Variants in GPLD1 observed in about 807,000 individuals in gnomAD.
GPLD1 encodes the protein phosphatidylinositol-glycan-specific phospholipase D.
In GPLD1, 84 loss-of-function variants were observed where a neutral mutation model predicts 112.6. The observed-to-expected ratio is 0.75, with a 90% CI of 0.63 to 0.89. GPLD1 has a LOEUF of 0.89. GPLD1 is among the 40% of genes least tolerant of loss of function. GPLD1 has a pLI of 0.00. For missense variants in GPLD1, 1,044 were observed against 1,051.5 expected (o/e 0.99, Z 0.10); for synonymous variants, 386 against 403.8 (o/e 0.96, Z 0.53).
chr6:24,431,480 G>C (rs1448608486), intron 24 of GPLD1, among the ~76,000 whole-genome samples: 2 of 151,530 alleles, frequency 1.3e-5, no homozygotes, highest in Non-Finnish European at 2.9e-5. Flanking sequence ...ATTTCTTATA[G>C]CCTATACAGT....
At chr6:24,480,674 C>A (rs1764171975) in intron 2 of GPLD1, among the ~76,000 whole-genome samples, 1 of 150,778 alleles carries the variant, frequency 6.6e-6, no homozygotes, top group Non-Finnish European at 1.5e-5. Flanking sequence ...AAGTGCTTTC[C>A]CTTTTTAAAT....
intron 12 of GPLD1, 110 bp from the exon 13 acceptor site, chr6:24,456,747 G>A (rs1763281284): frequency 3.0e-6 from 2 of 659,542 alleles, no homozygotes; most frequent in Non-Finnish European, 5.1e-6. Context: ...GTTTTTAGAA[G>A]TGCTAAACAA....
intron 13 of GPLD1, among the ~76,000 whole-genome samples, chr6:24,455,077 C>T (rs995283444): frequency 5.9e-5 from 9 of 152,184 alleles, no homozygotes; most frequent in Non-Finnish European, 1.0e-4. Flanking sequence ...CCCAGTGAGC[C>T]GAAATCAGAA....
intron 14 of GPLD1, among the ~76,000 whole-genome samples, chr6:24,451,632 G>A (rs535259740): frequency 5.3e-5 from 8 of 152,318 alleles, no homozygotes; most frequent in South Asian, 4.2e-4. Context: ...CACCGCGCCC[G>A]GCCAGGTTCT....
intron 2 of GPLD1, among the ~76,000 whole-genome samples, chr6:24,481,475 C>A (rs1283889042): frequency 6.6e-6 from 1 of 151,900 alleles, no homozygotes; most frequent in African/African-American, 2.4e-5. Flanking sequence ...TTTTTCTAAC[C>A]AGTATCCCAT....
intron 3 of GPLD1, among the ~76,000 whole-genome samples, chr6:24,478,996 T>G (rs1764112636): frequency 6.6e-6 from 1 of 152,090 alleles, no homozygotes; most frequent in African/African-American, 2.4e-5. Flanking sequence ...CCATTTTAAG[T>G]TCACCTTGAC....
rs752041398 is a variant in GPLD1 at position 24,448,220 on chromosome 6, C to T, written c.1447-12G>A. 3.8e-6 allele frequency: 6 copies of T among 1,577,500 alleles called. No homozygotes were observed. In the African/African-American group the frequency reaches 4.2e-5, roughly 11 times the overall value. ...ACATACACGGCACCCTAGATAAGGACAAACAGCAGATAGACATGAGGCTCT... is the reference window on the plus strand; with the variant it reads ...ACATACACGGCACCCTAGATAAGGATAAACAGCAGATAGACATGAGGCTCT... On this transcript the variant is annotated splice_polypyrimidine_tract_variant and intron_variant, in intron 15 of 24. Transcript: ENST00000230036.
chr6:24,472,616 A>T lies in GPLD1; in HGVS notation c.511T>A (p.Phe171Ile). Residue 171 changes from phenylalanine (F) to isoleucine (I), a missense_variant, in exon 7 of 25, where the codon TTT (phenylalanine) becomes ATT (isoleucine). Phe to Ile is a conservative substitution (Grantham distance 21). Coordinates refer to ENST00000230036, the MANE Select transcript of GPLD1 (RefSeq NM_001503.4). ...GCAAGGTAATTAAAATTAAATTCAA[A>T]CTGGCTCAACACATCTCCTCCTAGG... ...GDFGGDVLSQFEFNFNYLARR... is the reference protein window; with the variant it reads ...GDFGGDVLSQIEFNFNYLARR... 1.3e-6 allele frequency: 2 copies of T among 1,595,882 alleles called. No individual in the cohort carries two copies. Among genetic ancestry groups the T allele is most frequent in the Non-Finnish European group, 1.7e-6 (2 of 1,163,498 alleles).
Position 24,466,897 on chromosome 6 carries a change from G to T in GPLD1, c.681+15C>A. 6.2e-7 allele frequency: 1 copy of T among 1,606,368 alleles called. No individual in the cohort carries two copies. ...CTTTATAATCCTTTAAGATTTGGAA[G>T]AATGACGCCTTTACCTTGGAAACAG... On this transcript the variant is annotated intron_variant, in intron 9 of 24. Transcript: ENST00000230036.
chr6:24,457,019 C>T (rs545373289), intron 12 of GPLD1, among the ~76,000 whole-genome samples: 8 of 152,112 alleles, frequency 5.3e-5, no homozygotes, highest in Non-Finnish European at 1.0e-4. Context: ...TACAGGTGCT[C>T]GCCACCACAC....
At chr6:24,429,159 C>T (rs765243833) in intron 24 of GPLD1, 41 bp from the exon 25 acceptor site, 1 of 1,290,418 alleles carries the variant, frequency 7.7e-7, no homozygotes, top group Non-Finnish European at 1.1e-6. Flanking sequence ...TCATTCATAA[C>T]ATCTATTGAG....
At chr6:24,467,844 A>G (rs969459131) in intron 7 of GPLD1, among the ~76,000 whole-genome samples, 2 of 152,172 alleles carry the variant, frequency 1.3e-5, no homozygotes, top group Non-Finnish European at 2.9e-5. Flanking sequence ...GGAACCGTGT[A>G]GGGCAAACCT....
At chr6:24,465,127 G>T (rs1763557039) in intron 10 of GPLD1, among the ~76,000 whole-genome samples, 1 of 150,140 alleles carries the variant, frequency 6.7e-6, no homozygotes, top group African/African-American at 2.5e-5. Context: ...AACCCAGGAG[G>T]TGGAGGTTGC....
chr6:24,434,647 C>A (rs1413732735), intron 22 of GPLD1, among the ~76,000 whole-genome samples: 1 of 151,764 alleles, frequency 6.6e-6, no homozygotes, highest in East Asian at 2.0e-4. Context: ...ACCATCGTGG[C>A]TAACACGGTG....
chr6:24,485,990 G>T, intron 2 of GPLD1, 85 bp downstream of exon 2: 1 of 840,472 alleles, frequency 1.2e-6, no homozygotes, highest in Non-Finnish European at 2.0e-6. Context: ...TAAAATTACT[G>T]TTTAAATATC....
rs1484232344 is a variant in GPLD1, at chr6:24,448,131, T to A, written c.1521+3A>T. 1.2e-6 allele frequency: 2 copies of A among 1,611,892 alleles called. No homozygotes were observed. The highest frequency in any genetic ancestry group is 1.7e-6 in the Non-Finnish European group (2 of 1,179,284). The stretch of plus-strand genomic sequence containing the variant: ...CTGCACCTGGCTAAAGTGGTAAACA[T>A]ACCTGGCAAGAAATGGTGATGTTAG... On this transcript the variant is annotated splice_donor_region_variant and intron_variant, in intron 16 of 24. Transcript: ENST00000230036.
rs67622968 is a variant in GPLD1 at position 24,438,791 on chromosome 6, CTTTTTT to C, written c.2021-1508_2021-1503del. Reference sequence around the variant, plus strand: ...TAAGAGAAAATCTTCATTCCTTTTTCTTTTTTTATTATTGAGATGGAGTCTCACTCT... The same window carrying C: ...TAAGAGAAAATCTTCATTCCTTTTTCTATTATTGAGATGGAGTCTCACTCT... On this transcript the variant is annotated intron_variant, in intron 20 of 24. Coordinates refer to ENST00000230036, the MANE Select transcript of GPLD1 (RefSeq NM_001503.4). Among the ~76,000 whole-genome samples the C allele has an allele frequency of 2.0e-5, 3 of 150,686 alleles. No homozygotes were observed. The South Asian group carries it at 6.3e-4, about 31-fold the overall frequency.
chr6:24,475,572 C>T (rs371540622), intron 4 of GPLD1, among the ~76,000 whole-genome samples: 2 of 144,412 alleles, frequency 1.4e-5, no homozygotes, highest in African/African-American at 5.2e-5. Flanking sequence ...AGGCCGGGCG[C>T]AGTGGCTCAC....
At position 24,447,986 on chromosome 6, in the gene GPLD1, A is replaced by T. The variant is rs756849291; in HGVS notation, c.1569T>A (p.Asn523Lys). 1.9e-6 allele frequency: 3 copies of T among 1,613,828 alleles called. No homozygotes were observed. In the South Asian group the frequency reaches 3.3e-5, roughly 18 times the overall value. Reference protein sequence around the residue: ...LGWTLLAADVNGDSEPDLVIG... With the variant: ...LGWTLLAADVKGDSEPDLVIG... ...TGACCAGATCGGGTTCACTGTCTCC[A>T]TTCACATCTGCAGCCAAGAGAGTCC... is the stretch of plus-strand genomic sequence containing the variant. The change falls in exon 17 of 25, where the codon AAT becomes AAA. Residue 523 changes from asparagine to lysine, a missense_variant. By Grantham distance (94) the Asn-to-Lys change is moderately conservative (BLOSUM62 0). Transcript: ENST00000230036.
Sources: gnomAD v4.1 joint callset for allele counts (sites outside exome capture counted in the v4.1 genomes callset) on GRCh38, gnomAD v4.1.1 for gene constraint, MANE v1.5 for transcripts, NCBI Gene and HGNC (gene_info 2026-07-23, HGNC 2026-07-21) for gene names.